Variants in FHAD1 observed in about 807,000 individuals in gnomAD.
The protein encoded by FHAD1 is forkhead-associated domain-containing protein 1.
A neutral mutation model predicts 191.3 loss-of-function variants in FHAD1; 146 were observed. The observed-to-expected ratio is 0.76, with a 90% confidence interval of 0.67 to 0.88. The LOEUF (loss-of-function observed/expected upper bound fraction) is 0.88, where lower values mean the gene tolerates loss of function less well. FHAD1 is among the 40% of genes least tolerant of loss of function. FHAD1 has a pLI of 0.00. For synonymous variants in FHAD1, 616 were observed against 672.3 expected (o/e 0.92, Z 1.29); for missense variants, 1,635 against 1,785.8 (o/e 0.92, Z 1.52).
chr1:15,263,723 G>T (rs1413633622), intron 2 of FHAD1, among the ~76,000 whole-genome samples: 1 of 151,780 alleles, frequency 6.6e-6, no homozygotes, highest in Non-Finnish European at 1.5e-5. Flanking sequence ...GGGTTTCATT[G>T]TGTTAGCCCA....
chr1:15,375,607 T>C lies in FHAD1; in HGVS notation c.3582T>C (p.His1194=). 1 of 1,528,638 alleles carries C rather than the reference T, an allele frequency of 6.5e-7. No individual in the cohort carries two copies. The highest frequency in any genetic ancestry group is 2.5e-5 in the East Asian group (1 of 40,636). 94.7% of individuals were successfully genotyped at this position (1,528,638 alleles called of 1,614,324 possible). A position where few individuals can be genotyped will look rare whatever the true frequency, so the allele number is the denominator to read the frequency against. The change falls in exon 28 of 34, where the codon CAT becomes CAC. Residue 1194 remains histidine, a synonymous_variant. Coordinates refer to ENST00000688493, the MANE Select transcript of FHAD1 (RefSeq NM_001391957.1). Reference sequence around the variant, plus strand: ...TCTACTTTATTTCTTTTACAGATCATAAAGACCACCAGAATGAATCATTTC... The same window carrying C: ...TCTACTTTATTTCTTTTACAGATCACAAAGACCACCAGAATGAATCATTTC... ...KELEKARSPD[H]KDHQNESFLD...
Position 15,359,508 on chromosome 1 carries a change from G to A in FHAD1, c.2737-970G>A, listed in dbSNP as rs568818680. On this transcript the variant is annotated intron_variant, in intron 21 of 33. Transcript: ENST00000688493. ...AGGAGGTTGTAGGCATGGGAAAGCAGCAGATTTGCCATTCGGGGGTCATTA... is the reference window on the plus strand; with the variant it reads ...AGGAGGTTGTAGGCATGGGAAAGCAACAGATTTGCCATTCGGGGGTCATTA... Among the ~76,000 whole-genome samples, 410 of 152,202 alleles carry A rather than the reference G, an allele frequency of 2.7e-3. 1 individual carries two copies. Among genetic ancestry groups the A allele is most frequent in the Non-Finnish European group, 4.7e-3 (322 of 68,014 alleles).
At position 15,276,834 on chromosome 1, in the gene FHAD1, C is replaced by T. The variant is rs927606381; in HGVS notation, c.300+4305C>T. On this transcript the variant is annotated intron_variant, in intron 3 of 33. Transcript: ENST00000688493. This position sits in a 1 kb window ranked among gnomAD's most constrained non-coding sequence, Gnocchi z 4.7. ...AGCCTAGGGCCACCACCTTGCACAA[C>T]TCCAGTCACCATTCACAGTAGAGTC... Among the ~76,000 whole-genome samples the T allele has an allele frequency of 7.9e-5, 12 of 151,828 alleles. No individual in the cohort carries two copies. Among genetic ancestry groups the T allele is most frequent in the African/African-American group, 2.9e-4 (12 of 41,348 alleles).
intron 18 of FHAD1, 59 bp from the exon 19 acceptor site, chr1:15,348,983 A>T: frequency 1.0e-6 from 1 of 970,964 alleles, no homozygotes; most frequent in Non-Finnish European, 1.6e-6. Flanking sequence ...CATTATCATT[A>T]CTAGCAATTT....
intron 20 of FHAD1, among the ~76,000 whole-genome samples, chr1:15,357,262 T>A (rs1693114570): frequency 6.6e-6 from 1 of 152,162 alleles, no homozygotes; most frequent in African/African-American, 2.4e-5. Context: ...CCCAGCACAG[T>A]GCCACTCAAG....
At position 15,315,457 on chromosome 1, in the gene FHAD1, G is replaced by A. The variant is rs181958836; in HGVS notation, c.1171-921G>A. ...TGTCTGTGCACAATGGAATCAAACA[G>A]CCCCGGGTTATCGGACATGGGTGTT... is the stretch of plus-strand genomic sequence containing the variant. On this transcript the variant is annotated intron_variant, in intron 8 of 33. Transcript: ENST00000688493. Among the ~76,000 whole-genome samples, 633 of 149,932 alleles carry A rather than the reference G, an allele frequency of 4.2e-3. 11 individuals are homozygous for A. Among genetic ancestry groups the A allele is most frequent in the Admixed American group, 0.033 (496 of 14,964 alleles).
intron 23 of FHAD1, chr1:15,364,032 T>TG: frequency 3.1e-6 from 1 of 321,916 alleles, no homozygotes; most frequent in South Asian, 2.6e-5. Flanking sequence ...GAAACGGTGG[T>TG]GCCCATGACT....
At chr1:15,265,412 G>A (rs1341182862) in intron 2 of FHAD1, among the ~76,000 whole-genome samples, 1 of 152,228 alleles carries the variant, frequency 6.6e-6, no homozygotes, top group Non-Finnish European at 1.5e-5. Context: ...TTCAGCCTAT[G>A]TTGGCAGCAG....
intron 20 of FHAD1, 160 bp from the exon 21 acceptor site, chr1:15,357,950 T>C (rs1693425574): frequency 1.7e-6 from 1 of 574,284 alleles, no homozygotes; most frequent in Non-Finnish European, 3.0e-6. Context: ...TCTATAATAA[T>C]TGGAACCTTC....
chr1:15,245,920 T>C (rs759492131), upstream of FHAD1, among the ~76,000 whole-genome samples: 1 of 152,194 alleles, frequency 6.6e-6, no homozygotes, highest in Non-Finnish European at 1.5e-5. Flanking sequence ...CACAAATCGA[T>C]GTCCATGATT....
intron 21 of FHAD1, among the ~76,000 whole-genome samples, chr1:15,358,773 A>G (rs1254540364): frequency 6.6e-6 from 1 of 152,176 alleles, no homozygotes; most frequent in East Asian, 1.9e-4. Flanking sequence ...CTCGATGTGC[A>G]TTCCCTCTGT....
intron 2 of FHAD1, among the ~76,000 whole-genome samples, chr1:15,267,955 A>G (rs933591275): frequency 2.0e-5 from 3 of 148,420 alleles, no homozygotes; most frequent in Non-Finnish European, 4.5e-5. Context: ...TAAAAAATAT[A>G]TATATATTTG....
upstream of FHAD1, among the ~76,000 whole-genome samples, chr1:15,244,009 C>T (rs1310673585): frequency 6.6e-6 from 1 of 152,066 alleles, no homozygotes; most frequent in African/African-American, 2.4e-5. This position sits in a 1 kb window ranked among gnomAD's most constrained non-coding sequence, Gnocchi z 5.1. Flanking sequence ...AAAAGGTTAA[C>T]TGTAGGCACT....
intron 21 of FHAD1, 23 bp downstream of exon 21, chr1:15,358,306 C>T (rs773092248): frequency 1.1e-5 from 16 of 1,518,080 alleles, no homozygotes; most frequent in Admixed American, 1.0e-4. Context: ...CTTCCGGGAA[C>T]GGGAGAATTT....
chr1:15,253,774 G>T (rs1383925738), intron 2 of FHAD1, among the ~76,000 whole-genome samples: 1 of 152,134 alleles, frequency 6.6e-6, no homozygotes. Context: ...TATTTGATCT[G>T]TACACTTTTA....
intron 14 of FHAD1, among the ~76,000 whole-genome samples, chr1:15,331,486 TGATGGATG>T (rs140320304): frequency 0.067 from 5,567 of 83,014 alleles, 332 homozygotes; most frequent in African/African-American, 0.18. Flanking sequence ...GTGGGTGGAT[TGATGGATG>T]GATGGATGGA....
intron 16 of FHAD1, among the ~76,000 whole-genome samples, chr1:15,342,823 C>A (rs1687293595): frequency 6.6e-6 from 1 of 151,542 alleles, no homozygotes; most frequent in Non-Finnish European, 1.5e-5. Flanking sequence ...CTACACCCAG[C>A]TAATTATTAT....
At chr1:15,352,554 A>G (rs77611983) in intron 19 of FHAD1, among the ~76,000 whole-genome samples, 4,104 of 152,294 alleles carry the variant, frequency 0.027, 196 homozygotes, top group African/African-American at 0.092. Flanking sequence ...GTGCCAGCAC[A>G]TGCCAGTTTA....
chr1:15,388,576 TGAG>T (rs1165262995), intron 32 of FHAD1, among the ~76,000 whole-genome samples: 1 of 149,686 alleles, frequency 6.7e-6, no homozygotes, highest in Non-Finnish European at 1.5e-5. Context: ...AAGAATGAAA[TGAG>T]GGGGGTGAAA....
Sources: gnomAD v4.1 joint callset for allele counts (sites outside exome capture counted in the v4.1 genomes callset) on GRCh38, gnomAD v4.1.1 for gene constraint, Gnocchi (gnomAD v3.1) non-coding constraint, MANE v1.5 for transcripts, NCBI Gene and HGNC (gene_info 2026-07-23, HGNC 2026-07-21) for gene names.